The following KIAA1217 variants were observed in gnomAD, a reference collection of about 807,000 sequenced individuals.
KIAA1217 encodes KIAA1217, also known as sickle tail protein homolog.
KIAA1217 carries 88 observed loss-of-function variants against 163.9 expected under a neutral mutation model. The observed-to-expected ratio is 0.54, with a 90% CI of 0.45 to 0.64. The LOEUF is 0.64. KIAA1217 is among the 30% of genes least tolerant of loss of function. KIAA1217 has a pLI of 0.00. For synonymous variants in KIAA1217, 903 were observed against 923.1 expected, an observed-to-expected ratio of 0.98 and a Z score of 0.39; for missense variants, 2,372 against 2,475.0, an observed-to-expected ratio of 0.96 and a Z score of 0.88.
intron 9 of KIAA1217, among the ~76,000 whole-genome samples, chr10:24,503,390 T>C (rs1338196010): frequency 6.6e-6 from 1 of 152,232 alleles, no homozygotes; most frequent in Non-Finnish European, 1.5e-5. Flanking sequence ...TGCATTAGCT[T>C]CCTCTCGCTT....
At chr10:24,428,514 A>G (rs1386886613) in intron 3 of KIAA1217, among the ~76,000 whole-genome samples, 2 of 152,202 alleles carry the variant, frequency 1.3e-5, no homozygotes, top group South Asian at 4.1e-4. Context: ...ATGTGTCTCT[A>G]CTGTGGATAC....
At chr10:24,016,044 A>G (rs1185169773) in intron 2 of KIAA1217, among the ~76,000 whole-genome samples, 1 of 152,116 alleles carries the variant, frequency 6.6e-6, no homozygotes, top group Non-Finnish European at 1.5e-5. Flanking sequence ...ATAAGGTACC[A>G]TTTGACACCT....
At chr10:24,005,888 A>C (rs533597976) in intron 1 of KIAA1217, among the ~76,000 whole-genome samples, 16 of 152,184 alleles carry the variant, frequency 1.1e-4, no homozygotes, top group African/African-American at 3.9e-4. Context: ...CAACACTAGA[A>C]CCTCGAATAT....
chr10:24,423,790 C>A (rs2131596333), intron 3 of KIAA1217, among the ~76,000 whole-genome samples: 1 of 152,286 alleles, frequency 6.6e-6, no homozygotes, highest in Non-Finnish European at 1.5e-5. Flanking sequence ...CCCACCTTGG[C>A]CTCCGAAAGT....
At chr10:23,921,588 A>C (rs375247439) in intron 1 of KIAA1217, among the ~76,000 whole-genome samples, 12 of 152,296 alleles carry the variant, frequency 7.9e-5, no homozygotes, top group African/African-American at 2.9e-4. Context: ...AGAAGGCTCA[A>C]ATAGCCTCTG....
At chr10:24,176,162 A>G (rs773238945) in intron 2 of KIAA1217, among the ~76,000 whole-genome samples, 5 of 152,188 alleles carry the variant, frequency 3.3e-5, no homozygotes, top group African/African-American at 4.8e-5. Flanking sequence ...TGCTTTTACA[A>G]TCTCTGAGCT....
At chr10:24,325,746 G>A (rs1314805194) in intron 2 of KIAA1217, among the ~76,000 whole-genome samples, 2 of 152,264 alleles carry the variant, frequency 1.3e-5, no homozygotes, top group East Asian at 3.9e-4. Context: ...GTTTGGCTTT[G>A]CATGTGGATC....
At chr10:24,205,722 G>A (rs1461305328), upstream of KIAA1217, among the ~76,000 whole-genome samples, 13 of 151,274 alleles carry the variant, frequency 8.6e-5, no homozygotes, top group African/African-American at 1.9e-4. Flanking sequence ...GCAGTGAGCC[G>A]AGATCATGCC....
rs548119721 is a variant in KIAA1217 at position 24,360,911 on chromosome 10, G to C, written c.355-19958G>C. ...CAATGCTAAGTGGTTTTTTTTTTTT[G>C]GAGGTAGAAACAAATCAGAAAAGCA... On this transcript the variant is annotated intron_variant, in intron 2 of 20. Transcript: ENST00000376454. 9.2e-4 allele frequency among the ~76,000 whole-genome samples: 133 copies of C among 144,538 alleles called. 1 individual carries two copies. The highest frequency in any genetic ancestry group is 3.2e-3 in the African/African-American group (126 of 39,300). The allele number at this position is 144,538 out of a possible 152,430, so 94.8% of individuals were successfully genotyped here.
intron 2 of KIAA1217, among the ~76,000 whole-genome samples, chr10:24,278,281 C>T (rs2077531755): frequency 6.6e-6 from 1 of 152,082 alleles, no homozygotes. Flanking sequence ...TCTGTGAGGC[C>T]GGAAACCTAG....
chr10:23,965,630 A>C (rs1164706114), intron 1 of KIAA1217, among the ~76,000 whole-genome samples: 1 of 152,224 alleles, frequency 6.6e-6, no homozygotes, highest in African/African-American at 2.4e-5. Flanking sequence ...GCTTATCTTG[A>C]GGTCTACAAG....
chr10:24,135,064 G>C (rs2063784224), intron 2 of KIAA1217, among the ~76,000 whole-genome samples: 1 of 152,156 alleles, frequency 6.6e-6, no homozygotes, highest in Non-Finnish European at 1.5e-5. Context: ...CTGACAGGCA[G>C]CTCCTACATT....
Position 24,264,765 on chromosome 10 carries a change from T to TCTC in KIAA1217, c.354+44856_354+44857insCTC, listed in dbSNP as rs2076051095. ...TGCTCTTGTGGTGGTCGGTCGGTCT[T>TCTC]TCTCTCTCTCTCTCTCTCTCTCTCT... is the stretch of plus-strand genomic sequence containing the variant. On this transcript the variant is annotated intron_variant, in intron 2 of 20. Transcript: ENST00000376454. Among the ~76,000 whole-genome samples, 26 of 131,924 alleles carry TCTC rather than the reference T, an allele frequency of 2.0e-4. No individual in the cohort carries two copies. In the East Asian group the frequency reaches 4.7e-3, roughly 24 times the overall value. The allele number at this position is 131,924 out of a possible 152,430, so 86.5% of individuals were successfully genotyped here. A position where few individuals can be genotyped will look rare whatever the true frequency, so the allele number is the denominator to read the frequency against.
upstream of KIAA1217, among the ~76,000 whole-genome samples, chr10:24,204,520 TG>T (rs1402534755): frequency 7.2e-5 from 11 of 152,212 alleles, no homozygotes; most frequent in Admixed American, 2.6e-4. Flanking sequence ...GGGTCTTTGT[TG>T]GGAAACTCAA....
chr10:24,339,116 T>C (rs886754879), intron 2 of KIAA1217, among the ~76,000 whole-genome samples: 3 of 152,214 alleles, frequency 2.0e-5, no homozygotes, highest in African/African-American at 7.2e-5. Context: ...GTTTCTGGTA[T>C]ACATAGTAGC....
chr10:24,011,952 T>C (rs1323288824), intron 2 of KIAA1217, among the ~76,000 whole-genome samples: 3 of 152,128 alleles, frequency 2.0e-5, no homozygotes, highest in Non-Finnish European at 4.4e-5. Context: ...CAATATCCAA[T>C]GGCATTATTT....
chr10:24,094,866 T>C (rs2131697097), intron 2 of KIAA1217, among the ~76,000 whole-genome samples: 1 of 152,348 alleles, frequency 6.6e-6, no homozygotes, highest in Non-Finnish European at 1.5e-5. Context: ...GCAGGCTTTC[T>C]TGAGCTGTGG....
chr10:24,352,083 C>T (rs1036991797), intron 2 of KIAA1217, among the ~76,000 whole-genome samples: 2 of 152,224 alleles, frequency 1.3e-5, no homozygotes, highest in South Asian at 4.1e-4. Context: ...GAGTGTTGGC[C>T]GTCAGCGTGG....
intron 2 of KIAA1217, among the ~76,000 whole-genome samples, chr10:24,052,675 G>T (rs1454262298): frequency 6.6e-6 from 1 of 151,988 alleles, no homozygotes; most frequent in African/African-American, 2.4e-5. Context: ...TAAGCAATCG[G>T]AACTTGGCCA....
Sources: gnomAD v4.1 joint callset for allele counts (sites outside exome capture counted in the v4.1 genomes callset) on GRCh38, gnomAD v4.1.1 for gene constraint, MANE v1.5 for transcripts, NCBI Gene and HGNC (gene_info 2026-07-23, HGNC 2026-07-21) for gene names.